FKBP15: variants seen among roughly 807,000 people sequenced by gnomAD.
The protein encoded by FKBP15 is FKBP prolyl isomerase family member 15.
Under a neutral mutation model 158.1 loss-of-function variants are expected in FKBP15, and 106 were observed. The observed-to-expected ratio is 0.67, with a 90% CI of 0.57 to 0.79. FKBP15 has a LOEUF of 0.79. Among genes scored for constraint, FKBP15 ranks in the 30% least tolerant of loss-of-function variants. The pLI, the probability that FKBP15 is intolerant of heterozygous loss-of-function variation, is 0.00. For synonymous variants in FKBP15, 547 were observed against 548.6 expected, an observed-to-expected ratio of 1.00 and a Z score of 0.04; for missense variants, 1,287 against 1,479.1, an observed-to-expected ratio of 0.87 and a Z score of 2.13.
Position 113,207,243 on chromosome 9 carries a change from G to A in FKBP15, c.223C>T (p.Leu75=), listed in dbSNP as rs201405437. 1.3e-3 allele frequency: 2,033 copies of A among 1,613,034 alleles called. 1 individual carries two copies. The highest frequency in any genetic ancestry group is 1.5e-3 in the Non-Finnish European group (1,823 of 1,179,390). ...APATMSTPTI[L]VATAVHAYRY... ...TATGCATGGACTGCTGTTGCGACCA[G>A]TATTGTGGGAGTGCTCATGGTGGCT... The change falls in exon 3 of 28, where the codon CTG becomes TTG. Residue 75 remains leucine, a synonymous_variant. Transcript: ENST00000238256.
rs750974657 is a variant in FKBP15 at position 113,193,475 on chromosome 9, A to C, written c.1065+17T>G. 6.3e-7 allele frequency: 1 copy of C among 1,578,632 alleles called. No individual in the cohort carries two copies. The highest frequency in any genetic ancestry group is 1.2e-5 in the South Asian group (1 of 86,248). On this transcript the variant is annotated intron_variant, in intron 11 of 27. Coordinates refer to ENST00000238256, the MANE Select transcript of FKBP15 (RefSeq NM_015258.2). ...CAGGTGTGAACCACCATGCCTGGCC[A>C]AGACTCTTATACTTACTGTATTTAT...
At chr9:113,193,655 A>G (rs576024596) in intron 10 of FKBP15, 106 bp from the exon 11 acceptor site, 188 of 916,610 alleles carry the variant, frequency 2.1e-4, no homozygotes, top group Non-Finnish European at 3.1e-4. Context: ...TGCCAATTTA[A>G]TGACTGTAAA....
In FKBP15 at chr9:113,163,652, G is replaced by A. The variant is rs923936117; in HGVS notation, c.*2426C>T. ...GGCAGAGACACAGGACTGCTTTCAG[G>A]CTCCTGGTTTATTCTCTGATAGACT... On this transcript the variant is annotated 3_prime_UTR_variant, in exon 28 of 28. Coordinates refer to ENST00000238256, the MANE Select transcript of FKBP15 (RefSeq NM_015258.2). 1 of 150,640 alleles carries A rather than the reference G, an allele frequency of 6.6e-6. No homozygotes were observed. Among genetic ancestry groups the A allele is most frequent in the Non-Finnish European group, 1.5e-5 (1 of 67,178 alleles). The allele number at this position is 150,640 out of a possible 1,614,324, so 9.3% of individuals were successfully genotyped here. A position where few individuals can be genotyped will look rare whatever the true frequency, so the allele number is the denominator to read the frequency against.
Position 113,184,578 on chromosome 9 carries a change from G to T in FKBP15, c.1608+117C>A. The T allele has an allele frequency of 3.2e-6, 3 of 946,446 alleles. No homozygotes were observed. The highest frequency in any genetic ancestry group is 4.9e-6 in the Non-Finnish European group (3 of 609,420). The allele number at this position is 946,446 out of a possible 1,614,324, so 58.6% of individuals were successfully genotyped here. On this transcript the variant is annotated intron_variant, in intron 16 of 27. Transcript: ENST00000238256. The surrounding 1 kb of genome is among the most constrained non-coding windows in gnomAD (Gnocchi z 4.5). ...AACATAATTATAACTATCCTTGTAG[G>T]GAAATAACCTCTCACTACTACCAAT... is the stretch of plus-strand genomic sequence containing the variant.
rs777810004 is a variant in FKBP15 at position 113,186,270 on chromosome 9, A to G, written c.1477T>C (p.Ser493Pro). ...PVRPLYPAPL[S>P]QPPHFQGSGD... ...CTACCTTGGAAATGGGGAGGCTGAGAGAGCGGTGCTGGGTACAAAGGCCGA... is the reference window on the plus strand; with the variant it reads ...CTACCTTGGAAATGGGGAGGCTGAGGGAGCGGTGCTGGGTACAAAGGCCGA... The change falls in exon 15 of 28, where the codon TCT (serine) becomes CCT (proline). Residue 493 changes from serine to proline, a missense_variant. Physicochemically the swap from Ser to Pro is moderately conservative, Grantham distance 74. Coordinates refer to ENST00000238256, the MANE Select transcript of FKBP15 (RefSeq NM_015258.2). 11 of 1,565,198 alleles carry G rather than the reference A, an allele frequency of 7.0e-6. No homozygotes were observed. The highest frequency in any genetic ancestry group is 1.7e-4 in the Middle Eastern group (1 of 6,026).
chr9:113,166,137 G>A lies in FKBP15; in HGVS notation c.3601C>T (p.Pro1201Ser). 6.2e-7 allele frequency: 1 copy of A among 1,613,440 alleles called. No homozygotes were observed. The highest frequency in any genetic ancestry group is 1.1e-5 in the South Asian group (1 of 90,862). Residue 1201 changes from proline to serine, a missense_variant, in exon 28 of 28, where the codon CCC becomes TCC. Pro to Ser is a moderately conservative substitution (Grantham distance 74, BLOSUM62 -1). Transcript: ENST00000238256. ...EDEVSMKGRP[P>S]PTPLFGDDDD... ...TCATCTCCAAAAAGGGGCGTTGGGGGCGGGCGTCCCTTCATGCTCTGATAA... is the reference window on the plus strand; with the variant it reads ...TCATCTCCAAAAAGGGGCGTTGGGGACGGGCGTCCCTTCATGCTCTGATAA...
rs1296639645 is a variant in FKBP15 at position 113,202,048 on chromosome 9, T to C, written c.498+483A>G. ...AACTCTCTTTCTTGCTCTCTCTATC[T>C]CTTTCTCTCTCTTTCTTTCTTTTCT... On this transcript the variant is annotated intron_variant, in intron 6 of 27. Coordinates refer to ENST00000238256, the MANE Select transcript of FKBP15 (RefSeq NM_015258.2). 8.5e-5 allele frequency among the ~76,000 whole-genome samples: 13 copies of C among 152,186 alleles called. No homozygotes were observed. In the East Asian group the frequency reaches 2.1e-3, roughly 25 times the overall value.
At position 113,161,905 on chromosome 9, in the gene FKBP15, C is replaced by A; in HGVS notation, c.*4173G>T. 1.5e-6 allele frequency: 1 copy of A among 675,872 alleles called. No homozygotes were observed. 41.9% of individuals were successfully genotyped at this position (675,872 alleles called of 1,614,324 possible). A position where few individuals can be genotyped will look rare whatever the true frequency, so the allele number is the denominator to read the frequency against. ...GCCAAAGCACTCTGTGAACAGCCAG[C>A]CACTTGAGAGGCTCAGAAGGCTTTC... On this transcript the variant is annotated 3_prime_UTR_variant, in exon 28 of 28. Coordinates refer to ENST00000238256, the MANE Select transcript of FKBP15 (RefSeq NM_015258.2).
chr9:113,212,738 A>C (rs551032276), intron 1 of FKBP15, among the ~76,000 whole-genome samples: 10 of 152,122 alleles, frequency 6.6e-5, no homozygotes, highest in African/African-American at 2.2e-4. Flanking sequence ...CCAATCTTTA[A>C]ATGTCCATGT....
chr9:113,176,789 C>A, intron 20 of FKBP15, 116 bp from the exon 21 acceptor site: 1 of 1,175,890 alleles, frequency 8.5e-7, no homozygotes, highest in South Asian at 1.6e-5. Flanking sequence ...TGCTCCATCA[C>A]TCAGGCTGGA....
intron 1 of FKBP15, among the ~76,000 whole-genome samples, chr9:113,214,122 G>A (rs559009722): frequency 5.3e-4 from 80 of 152,176 alleles, no homozygotes; most frequent in African/African-American, 1.8e-3. Flanking sequence ...AGCCTCTCAA[G>A]AAGCTGGGAC....
chr9:113,204,098 A>G (rs749418563), intron 4 of FKBP15, among the ~76,000 whole-genome samples: 3 of 150,056 alleles, frequency 2.0e-5, no homozygotes, highest in Non-Finnish European at 4.4e-5. Context: ...TTTTTTTGAG[A>G]TGACGTTTCA....
At position 113,173,624 on chromosome 9, in the gene FKBP15, G is replaced by A; in HGVS notation, c.2380-19C>T. Reference sequence around the variant, plus strand: ...AAGACAGCTGCCAAGAGAAAGTAATGACCATATCATCCTTGGGGGTGGGGG... The same window carrying A: ...AAGACAGCTGCCAAGAGAAAGTAATAACCATATCATCCTTGGGGGTGGGGG... On this transcript the variant is annotated intron_variant, in intron 22 of 27. Coordinates refer to ENST00000238256, the MANE Select transcript of FKBP15 (RefSeq NM_015258.2). 1 of 1,610,522 alleles carries A rather than the reference G, an allele frequency of 6.2e-7. No individual in the cohort carries two copies. Among genetic ancestry groups the A allele is most frequent in the Non-Finnish European group, 8.5e-7 (1 of 1,177,376 alleles).
chr9:113,182,658 A>G, intron 19 of FKBP15, 108 bp downstream of exon 19: 2 of 774,798 alleles, frequency 2.6e-6, no homozygotes, highest in Non-Finnish European at 4.5e-6. Flanking sequence ...TTCTTTTTGC[A>G]GTGACTGCAA....
intron 14 of FKBP15, chr9:113,186,671 C>T (rs919473493): frequency 1.3e-4 from 30 of 230,064 alleles, no homozygotes; most frequent in African/African-American, 6.0e-4. Flanking sequence ...GGCCTATTGT[C>T]TAAGAAGTTT....
At position 113,169,819 on chromosome 9, in the gene FKBP15, T is replaced by A. The variant is rs750942276; in HGVS notation, c.2890A>T (p.Ser964Cys). The A allele has an allele frequency of 3.2e-6, 5 of 1,566,000 alleles. No homozygotes were observed. Among genetic ancestry groups the A allele is most frequent in the Non-Finnish European group, 4.3e-6 (5 of 1,154,648 alleles). Residue 964 changes from serine (S) to cysteine (C), a missense_variant, in exon 26 of 28, where the codon AGT becomes TGT. Physicochemically the swap from Ser to Cys is moderately radical, Grantham distance 112. Coordinates refer to ENST00000238256, the MANE Select transcript of FKBP15 (RefSeq NM_015258.2). ...RPSQEQSASA[S>C]SGQPQAPLNR... ...AGGGGTGCTTGAGGCTGCCCAGAACTGGCTGAGGCTGACTGCTCCTGGGAA... is the reference window on the plus strand; with the variant it reads ...AGGGGTGCTTGAGGCTGCCCAGAACAGGCTGAGGCTGACTGCTCCTGGGAA...
intron 19 of FKBP15, among the ~76,000 whole-genome samples, chr9:113,179,445 C>T (rs1022643237): frequency 5.9e-5 from 9 of 152,164 alleles, no homozygotes; most frequent in Non-Finnish European, 1.2e-4. Flanking sequence ...GGGCAGATCA[C>T]GAGGTCAGGA....
At chr9:113,210,305 GCACAA>G (rs1830974866) in intron 2 of FKBP15, among the ~76,000 whole-genome samples, 1 of 149,548 alleles carries the variant, frequency 6.7e-6, no homozygotes, top group African/African-American at 2.5e-5. Flanking sequence ...ACCTGTTAAG[GCACAA>G]TCCTAGTGCC....
At chr9:113,171,751 A>T (rs2118865020) in intron 23 of FKBP15, 45 bp from the exon 24 acceptor site, 2 of 1,106,096 alleles carry the variant, frequency 1.8e-6, no homozygotes, top group Non-Finnish European at 2.4e-6. Context: ...GAACCAGGTG[A>T]AGGTCAGAAA....
Sources: gnomAD v4.1 joint callset for allele counts (sites outside exome capture counted in the v4.1 genomes callset) on GRCh38, gnomAD v4.1.1 for gene constraint, Gnocchi (gnomAD v3.1) non-coding constraint, MANE v1.5 for transcripts, NCBI Gene and HGNC (gene_info 2026-07-23, HGNC 2026-07-21) for gene names.